Variants in CLEC3A observed in about 807,000 individuals in gnomAD.
CLEC3A encodes the protein C-type lectin domain family 3 member A.
A neutral mutation model predicts 20.4 loss-of-function variants in CLEC3A; 28 were observed. The ratio of observed to expected loss-of-function variants is 1.37; its 90% CI spans 1.02 to 1.88. CLEC3A has a LOEUF of 1.88. Ranked by LOEUF, CLEC3A falls within the 40% of genes most tolerant of loss-of-function variation. The probability of loss-of-function intolerance (pLI) is 0.00; values close to 1 mark genes in which losing one functional copy is unlikely to be tolerated. For synonymous variants in CLEC3A, 110 were observed against 88.1 expected (o/e 1.25, Z -1.39); for missense variants, 357 against 240.4 (o/e 1.48, Z -3.21).
In CLEC3A at chr16:78,022,751, C is replaced by T; in HGVS notation, c.115+10C>T. On this transcript the variant is annotated intron_variant, in intron 1 of 2. Transcript: ENST00000299642. ...AAACGTCGAGTGAGAGGTAATGGGG[C>T]TTCTCAATCAAGCAAAATTCTAGGC... 1.9e-6 allele frequency: 3 copies of T among 1,612,910 alleles called. No individual in the cohort carries two copies. The highest frequency in any genetic ancestry group is 1.1e-5 in the South Asian group (1 of 91,022).
intron 2 of CLEC3A, 103 bp from the exon 3 acceptor site, chr16:78,030,344 T>A (rs554237689): frequency 6.7e-5 from 69 of 1,036,728 alleles, no homozygotes; most frequent in Non-Finnish European, 9.5e-5. Flanking sequence ...CTCATCATTA[T>A]CATACTTCAT....
chr16:78,029,004 C>G, intron 2 of CLEC3A: 1 of 404,570 alleles, frequency 2.5e-6, no homozygotes, highest in South Asian at 1.9e-5. Context: ...CAGTCAAATG[C>G]TTATGCAGAA....
Position 78,022,696 on chromosome 16 carries a change from A to G in CLEC3A, c.70A>G (p.Thr24Ala), listed in dbSNP as rs2018765281. 2 of 1,614,102 alleles carry G rather than the reference A, an allele frequency of 1.2e-6. No individual in the cohort carries two copies. The highest frequency in any genetic ancestry group is 2.7e-5 in the African/African-American group (2 of 74,936). The change falls in exon 1 of 3, where the codon ACA becomes GCA. Residue 24 changes from threonine to alanine, a missense_variant. Physicochemically the swap from Thr to Ala is moderately conservative, Grantham distance 58 (BLOSUM62 0). Transcript: ENST00000299642. ...ACTCCTGGACCAGACCACCAGCCACACATCCAGATTAAAAGCCAGGAAGCA... is the reference window on the plus strand; with the variant it reads ...ACTCCTGGACCAGACCACCAGCCACGCATCCAGATTAAAAGCCAGGAAGCA... ...TLLLDQTTSH[T>A]SRLKARKHSK... is the part of the protein sequence containing the mutation.
chr16:78,028,260 G>C (rs952940010), intron 2 of CLEC3A, 70 bp downstream of exon 2: 1 of 1,158,352 alleles, frequency 8.6e-7, no homozygotes, highest in Non-Finnish European at 1.2e-6. Context: ...ATTTCTGGGG[G>C]ACGTCTTTTT....
intron 1 of CLEC3A, among the ~76,000 whole-genome samples, chr16:78,023,859 G>A (rs945047679): frequency 6.6e-6 from 1 of 150,828 alleles, no homozygotes; most frequent in Non-Finnish European, 1.5e-5. Flanking sequence ...CTGGGTTCAC[G>A]CCATTCTCCT....
chr16:78,022,584 T>C lies in CLEC3A; in HGVS notation c.-43T>C. 6.2e-7 allele frequency: 1 copy of C among 1,608,946 alleles called. No individual in the cohort carries two copies. The highest frequency in any genetic ancestry group is 8.5e-7 in the Non-Finnish European group (1 of 1,177,620). The stretch of plus-strand genomic sequence containing the variant: ...GTGTAGTCTCCTTCCATAGCTGCTC[T>C]AAGGGGGCTGGCAACATGGCTCAGC... On this transcript the variant is annotated 5_prime_UTR_variant, in exon 1 of 3. Transcript: ENST00000299642.
At chr16:78,025,419 T>C (rs2018799500) in intron 1 of CLEC3A, among the ~76,000 whole-genome samples, 2 of 152,194 alleles carry the variant, frequency 1.3e-5, no homozygotes, top group African/African-American at 2.4e-5. Context: ...AAATTGCAGG[T>C]TAATTATACT....
Position 78,022,712 on chromosome 16 carries a change from C to A in CLEC3A, c.86C>A (p.Ala29Asp), listed in dbSNP as rs2018765454. The A allele has an allele frequency of 1.2e-6, 2 of 1,613,968 alleles. No homozygotes were observed. Among genetic ancestry groups the A allele is most frequent in the African/African-American group, 1.3e-5 (1 of 74,894 alleles). The change falls in exon 1 of 3, where the codon GCC becomes GAC. Residue 29 changes from alanine to aspartate, a missense_variant. Ala to Asp is a moderately radical substitution (Grantham distance 126). Transcript: ENST00000299642. Reference protein sequence around the residue: ...QTTSHTSRLKARKHSKRRVRD... With the variant: ...QTTSHTSRLKDRKHSKRRVRD... ...ACCAGCCACACATCCAGATTAAAAG[C>A]CAGGAAGCACAGCAAACGTCGAGTG...
Position 78,031,011 on chromosome 16 carries a change from A to G in CLEC3A, c.*170A>G, listed in dbSNP as rs534719239. 137 of 715,128 alleles carry G rather than the reference A, an allele frequency of 1.9e-4. 1 individual carries two copies. Among genetic ancestry groups the G allele is most frequent in the Middle Eastern group, 8.0e-4 (2 of 2,496 alleles). The allele number at this position is 715,128 out of a possible 1,614,324, so 44.3% of individuals were successfully genotyped here. On this transcript the variant is annotated 3_prime_UTR_variant, in exon 3 of 3. Transcript: ENST00000299642. Reference sequence around the variant, plus strand: ...AATTTTGCTAACACATTTCTTTGGGATTTTGCCCTTCCTGGGGTATAGGGG... The same window carrying G: ...AATTTTGCTAACACATTTCTTTGGGGTTTTGCCCTTCCTGGGGTATAGGGG...
At chr16:78,026,428 A>G (rs1196027984) in intron 1 of CLEC3A, among the ~76,000 whole-genome samples, 1 of 152,188 alleles carries the variant, frequency 6.6e-6, no homozygotes, top group Non-Finnish European at 1.5e-5. Context: ...CTCGGGACCA[A>G]GAAGGTAGAG....
At chr16:78,027,110 A>G (rs925319767) in intron 1 of CLEC3A, among the ~76,000 whole-genome samples, 1 of 152,242 alleles carries the variant, frequency 6.6e-6, no homozygotes, top group African/African-American at 2.4e-5. Context: ...ACAATTTTGT[A>G]TACCATAAAG....
At chr16:78,027,619 T>C (rs1259192759) in intron 1 of CLEC3A, among the ~76,000 whole-genome samples, 1 of 152,146 alleles carries the variant, frequency 6.6e-6, no homozygotes, top group Non-Finnish European at 1.5e-5. Flanking sequence ...TCTTTTTCTT[T>C]TTTTCCTTCC....
chr16:78,027,060 T>C (rs183046027), intron 1 of CLEC3A, among the ~76,000 whole-genome samples: 1 of 152,294 alleles, frequency 6.6e-6, no homozygotes, highest in Non-Finnish European at 1.5e-5. Context: ...GGGAATCCAA[T>C]TTTTCTCCCT....
chr16:78,028,597 T>G (rs1420882564), intron 2 of CLEC3A, among the ~76,000 whole-genome samples: 2 of 152,210 alleles, frequency 1.3e-5, no homozygotes, highest in Non-Finnish European at 2.9e-5. Flanking sequence ...GAACCGCAGC[T>G]TGCCAACAGG....
intron 1 of CLEC3A, among the ~76,000 whole-genome samples, chr16:78,026,491 G>T (rs1034338438): frequency 1.3e-5 from 2 of 152,202 alleles, no homozygotes; most frequent in Admixed American, 6.5e-5. Context: ...CAGGCCTGGA[G>T]CTGGGCAAAT....
At chr16:78,027,858 G>A (rs1025685905) in intron 1 of CLEC3A, among the ~76,000 whole-genome samples, 1 of 152,160 alleles carries the variant, frequency 6.6e-6, no homozygotes, top group African/African-American at 2.4e-5. Flanking sequence ...GTTTTGCTAT[G>A]TTGGCCAGGC....
At chr16:78,029,979 C>G (rs780651220) in intron 2 of CLEC3A, among the ~76,000 whole-genome samples, 63 of 151,820 alleles carry the variant, frequency 4.1e-4, no homozygotes, top group Non-Finnish European at 8.2e-4. Flanking sequence ...CGGTGAAATC[C>G]CGTCTCTACT....
chr16:78,029,420 G>A (rs1190072421), intron 2 of CLEC3A, among the ~76,000 whole-genome samples: 2 of 152,180 alleles, frequency 1.3e-5, no homozygotes, highest in Non-Finnish European at 2.9e-5. Context: ...CCGGGCTGGA[G>A]TACAATGGCG....
At chr16:78,030,168 A>AC (rs2030049724) in intron 2 of CLEC3A, among the ~76,000 whole-genome samples, 1 of 151,802 alleles carries the variant, frequency 6.6e-6, no homozygotes, top group Non-Finnish European at 1.5e-5. Context: ...AAAAAAAAAA[A>AC]AAATGCTAAG....
Sources: allele counts gnomAD v4.1 joint callset (sites outside exome capture counted in the v4.1 genomes callset), GRCh38; gene constraint gnomAD v4.1.1; transcripts MANE v1.5; gene names NCBI Gene and HGNC (gene_info 2026-07-23, HGNC 2026-07-21).